LRIT3: variants seen among roughly 807,000 people sequenced by gnomAD.
The protein encoded by LRIT3 is leucine rich repeat, Ig-like and transmembrane domains 3, also known as leucine-rich repeat, immunoglobulin-like domain and transmembrane domain-containing protein 3.
Under a neutral mutation model 22.6 loss-of-function variants are expected in LRIT3, and 14 were observed. The observed-to-expected ratio is 0.62, with a 90% confidence interval of 0.41 to 0.97. The LOEUF is 0.97. Among genes scored for constraint, LRIT3 ranks in the 50% least tolerant of loss-of-function variants. The pLI, the probability that LRIT3 is intolerant of heterozygous loss-of-function variation, is 0.00. For missense variants in LRIT3, 783 were observed against 803.0 expected (o/e 0.98, Z 0.30); for synonymous variants, 306 against 304.5 (o/e 1.01, Z -0.05).
chr4:109,862,556 A>G (rs990744206), intron 2 of LRIT3, among the ~76,000 whole-genome samples: 8 of 152,232 alleles, frequency 5.3e-5, no homozygotes, highest in African/African-American at 1.9e-4. Flanking sequence ...AACCAGTGAA[A>G]TTAATTTTTT....
At position 109,870,085 on chromosome 4, in the gene LRIT3, C is replaced by T. The variant is rs1190395975; in HGVS notation, c.1336C>T (p.Gln446Ter). The change falls in exon 4 of 4, where the codon CAA (glutamine) becomes TAA (stop). Residue 446 changes from glutamine (Q) to a stop codon, truncating the protein, a stop_gained. Transcript: ENST00000594814. LOFTEE classifies it low-confidence loss of function (END_TRUNC). The stretch of plus-strand genomic sequence containing the variant: ...CAACAAGCGATCATTCCAGCTCCAC[C>T]AAGGTGGGAAAAGAAATTTAAAGGT... ...MANKRSFQLH[Q>*]GGKRNLKVAK... The T allele has an allele frequency of 6.2e-7, 1 of 1,614,160 alleles. No homozygotes were observed. Among genetic ancestry groups the T allele is most frequent in the East Asian group, 2.2e-5 (1 of 44,876 alleles).
chr4:109,850,414 C>CTTTCTTTCTTT (rs1560588921), intron 1 of LRIT3, among the ~76,000 whole-genome samples: 719 of 11,718 alleles, frequency 0.061, 68 homozygotes, highest in South Asian at 0.12. Context: ...TTCCTTCCTT[C>CTTTCTTTCTTT]CTTCCTTCCT....
In LRIT3 at chr4:109,858,158, C is replaced by T. The variant is rs998763189; in HGVS notation, c.589+6182C>T. Among the ~76,000 whole-genome samples, 10 of 152,234 alleles carry T rather than the reference C, an allele frequency of 6.6e-5. 1 individual carries two copies. The highest frequency in any genetic ancestry group is 5.9e-4 in the Admixed American group (9 of 15,280). ...CAAATACTATCATTAACATAGACCTCAGTAGGAGCGTCCATCCATGTCATG... is the reference window on the plus strand; with the variant it reads ...CAAATACTATCATTAACATAGACCTTAGTAGGAGCGTCCATCCATGTCATG... On this transcript the variant is annotated intron_variant, in intron 2 of 3. Coordinates refer to ENST00000594814, the MANE Select transcript of LRIT3 (RefSeq NM_198506.5).
At chr4:109,850,219 C>T (rs1734175075) in intron 1 of LRIT3, among the ~76,000 whole-genome samples, 1 of 152,098 alleles carries the variant, frequency 6.6e-6, no homozygotes, top group African/African-American at 2.4e-5. Context: ...TTAGATGATA[C>T]TTTGCAAAAC....
intron 2 of LRIT3, among the ~76,000 whole-genome samples, chr4:109,852,346 CT>C (rs1288070772): frequency 6.6e-6 from 1 of 152,196 alleles, no homozygotes; most frequent in East Asian, 1.9e-4. Context: ...GCTCAGTTTG[CT>C]TTTCAACTCT....
intron 2 of LRIT3, among the ~76,000 whole-genome samples, chr4:109,861,522 G>A (rs1201011983): frequency 6.6e-6 from 1 of 151,174 alleles, no homozygotes; most frequent in African/African-American, 2.4e-5. Context: ...TGGGGGGTGG[G>A]TGGGTCAGGA....
In LRIT3 at chr4:109,871,108, A is replaced by G. The variant is rs899165832; in HGVS notation, c.*319A>G. ...AAGTAGCAAGTGAACTCTGTATTTA[A>G]AAATATAGTTTTTTGAGTCATGAGG... On this transcript the variant is annotated 3_prime_UTR_variant, in exon 4 of 4. Transcript: ENST00000594814. 1 of 200,262 alleles carries G rather than the reference A, an allele frequency of 5.0e-6. No individual in the cohort carries two copies. The highest frequency in any genetic ancestry group is 9.9e-6 in the Non-Finnish European group (1 of 100,666). The allele number at this position is 200,262 out of a possible 1,614,324, so 12.4% of individuals were successfully genotyped here. A position where few individuals can be genotyped will look rare whatever the true frequency, so the allele number is the denominator to read the frequency against.
chr4:109,870,652 A>G lies in LRIT3; in HGVS notation c.1903A>G (p.Arg635Gly), dbSNP rs1231968621. The G allele has an allele frequency of 2.5e-6, 4 of 1,614,016 alleles. No homozygotes were observed. The highest frequency in any genetic ancestry group is 3.4e-6 in the Non-Finnish European group (4 of 1,180,018). ...TYIQFETLFP[R>G]SQSVGELWTR... ...TATCCAATTTGAGACCCTGTTTCCC[A>G]GGTCTCAAAGTGTAGGTGAGCTCTG... The change falls in exon 4 of 4, where the codon AGG becomes GGG. Residue 635 changes from arginine (R) to glycine (G), a missense_variant. Arg to Gly is a moderately radical substitution (Grantham distance 125). Around this residue, in one of 2 missense-constraint regions of LRIT3, gnomAD observed 756 missense variants for 753.8 expected, o/e 1.00. Coordinates refer to ENST00000594814, the MANE Select transcript of LRIT3 (RefSeq NM_198506.5).
chr4:109,871,812 C>G lies in LRIT3; in HGVS notation c.*1023C>G, dbSNP rs1346660333. The G allele has an allele frequency of 3.3e-5, 5 of 152,136 alleles. No homozygotes were observed. Among genetic ancestry groups the G allele is most frequent in the African/African-American group, 1.2e-4 (5 of 41,416 alleles). The allele number at this position is 152,136 out of a possible 1,614,324, so 9.4% of individuals were successfully genotyped here. A position where few individuals can be genotyped will look rare whatever the true frequency, so the allele number is the denominator to read the frequency against. On this transcript the variant is annotated 3_prime_UTR_variant, in exon 4 of 4. Transcript: ENST00000594814. ...GGATTCATTTGGTTAGATTCTTTTC[C>G]TAGGTTAAAAACATCGGGGAACTTA...
At chr4:109,856,262 T>C (rs1030945145) in intron 2 of LRIT3, among the ~76,000 whole-genome samples, 7 of 152,182 alleles carry the variant, frequency 4.6e-5, no homozygotes, top group African/African-American at 1.2e-4. Flanking sequence ...ATAGCAATAG[T>C]TTCAGGGGGT....
Position 109,848,306 on chromosome 4 carries a change from C to G in LRIT3, c.105C>G (p.Gly35=). The G allele has an allele frequency of 8.1e-7, 1 of 1,231,180 alleles. No homozygotes were observed. Among genetic ancestry groups the G allele is most frequent in the Non-Finnish European group, 1.0e-6 (1 of 987,168 alleles). The allele number at this position is 1,231,180 out of a possible 1,614,324, so 76.3% of individuals were successfully genotyped here. ...CTCDYHGRND[G]SGSRLVLCND... Reference sequence around the variant, plus strand: ...GTGATTATCACGGCAGAAATGACGGCTCAGGATCAAGGTATGCTCCTCTGC... The same window carrying G: ...GTGATTATCACGGCAGAAATGACGGGTCAGGATCAAGGTATGCTCCTCTGC... The change falls in exon 1 of 4, where the codon GGC becomes GGG. Residue 35 remains glycine, a synonymous_variant. Coordinates refer to ENST00000594814, the MANE Select transcript of LRIT3 (RefSeq NM_198506.5).
chr4:109,868,372 A>ACC (rs1734737601), intron 3 of LRIT3, among the ~76,000 whole-genome samples: 1 of 152,122 alleles, frequency 6.6e-6, no homozygotes, highest in Non-Finnish European at 1.5e-5. Context: ...GGAGTTTGAG[A>ACC]CCAGCCTGGC....
intron 3 of LRIT3, among the ~76,000 whole-genome samples, chr4:109,868,528 A>T (rs1466111216): frequency 2.2e-5 from 3 of 137,882 alleles, no homozygotes; most frequent in Non-Finnish European, 4.5e-5. Context: ...TTAAGATCGC[A>T]CCACTGCAGA....
At chr4:109,867,581 A>T in intron 2 of LRIT3, 60 bp from the exon 3 acceptor site, 1 of 1,264,862 alleles carries the variant, frequency 7.9e-7, no homozygotes, top group South Asian at 2.2e-5. Flanking sequence ...CTCAAGAGGC[A>T]GGATGTAAAC....
chr4:109,859,415 C>T (rs1031171998), intron 2 of LRIT3, among the ~76,000 whole-genome samples: 3 of 152,180 alleles, frequency 2.0e-5, no homozygotes, highest in African/African-American at 7.2e-5. Flanking sequence ...TCAGTAATTT[C>T]TAACAGAGCC....
Position 109,867,680 on chromosome 4 carries a change from C to T in LRIT3, c.629C>T (p.Ser210Phe). 1.9e-6 allele frequency: 3 copies of T among 1,614,070 alleles called. No homozygotes were observed. The highest frequency in any genetic ancestry group is 2.5e-6 in the Non-Finnish European group (3 of 1,179,970). Reference protein sequence around the residue: ...DNPWFCDCHISKMIELSKVVD... With the variant: ...DNPWFCDCHIFKMIELSKVVD... ...CCTTGGTTCTGTGACTGTCATATTT[C>T]CAAAATGATTGAGTTGTCAAAGGTC... Residue 210 changes from serine (S) to phenylalanine (F), a missense_variant, in exon 3 of 4, where the codon TCC becomes TTC. By Grantham distance (155) the Ser-to-Phe change is radical. This residue lies in a region of LRIT3 where 756 missense variants were observed against 753.8 expected (regional missense o/e 1.00). Coordinates refer to ENST00000594814, the MANE Select transcript of LRIT3 (RefSeq NM_198506.5).
chr4:109,851,478 T>A, intron 1 of LRIT3, 26 bp from the exon 2 acceptor site: 2 of 1,483,540 alleles, frequency 1.3e-6, no homozygotes, highest in Non-Finnish European at 1.8e-6. Flanking sequence ...GTGAGTTTCC[T>A]CACATTGTTC....
In LRIT3 at chr4:109,867,723, G is replaced by A. The variant is rs1445008009; in HGVS notation, c.672G>A (p.Val224=). Residue 224 remains valine (V), a synonymous_variant, in exon 3 of 4, where the codon GTG becomes GTA. Transcript: ENST00000594814. ...ELSKVVDPAI[V]LLDPLMTCSE... is the part of the protein sequence containing the mutation. Reference sequence around the variant, plus strand: ...CAAAGGTCGTTGACCCTGCTATAGTGCTTCTGGATCCACTGATGACTTGCA... The same window carrying A: ...CAAAGGTCGTTGACCCTGCTATAGTACTTCTGGATCCACTGATGACTTGCA... 4.3e-6 allele frequency: 7 copies of A among 1,614,162 alleles called. No individual in the cohort carries two copies. In the South Asian group the frequency reaches 4.4e-5, roughly 10 times the overall value.
chr4:109,867,813 A>G lies in LRIT3; in HGVS notation c.762A>G (p.Pro254=). The change falls in exon 3 of 4, where the codon CCA becomes CCG. Residue 254 remains proline, a synonymous_variant. Transcript: ENST00000594814. ...QRAELEHCLK[P]SVMTSATKIM... is the part of the protein sequence containing the mutation. ...CTGAATTGGAGCATTGTCTGAAACCATCAGTGATGACCTCAGCCACCAAAA... is the reference window on the plus strand; with the variant it reads ...CTGAATTGGAGCATTGTCTGAAACCGTCAGTGATGACCTCAGCCACCAAAA... The G allele has an allele frequency of 1.2e-6, 2 of 1,614,220 alleles. No individual in the cohort carries two copies. Among genetic ancestry groups the G allele is most frequent in the Non-Finnish European group, 1.7e-6 (2 of 1,180,026 alleles).
Sources: gnomAD v4.1 joint callset for allele counts (sites outside exome capture counted in the v4.1 genomes callset) on GRCh38, gnomAD v4.1.1 for gene constraint, gnomAD v4.1.1 regional missense constraint, MANE v1.5 for transcripts, NCBI Gene and HGNC (gene_info 2026-07-23, HGNC 2026-07-21) for gene names.